FAM107B: variants seen among roughly 807,000 people sequenced by gnomAD.
FAM107B encodes the protein family with sequence similarity 107 member B.
Under a neutral mutation model 31.5 loss-of-function variants are expected in FAM107B, and 21 were observed. That is an observed-to-expected ratio of 0.67 (90% CI 0.47 to 0.96). The LOEUF is 0.96. FAM107B is among the 40% of genes least tolerant of loss of function. The pLI, the probability that FAM107B is intolerant of heterozygous loss-of-function variation, is 0.00. For synonymous variants in FAM107B, 157 were observed against 141.5 expected, an observed-to-expected ratio of 1.11 and a Z score of -0.78; for missense variants, 452 against 377.1, an observed-to-expected ratio of 1.20 and a Z score of -1.64.
chr10:14,550,554 G>C (rs1398371605), intron 2 of FAM107B, among the ~76,000 whole-genome samples: 1 of 152,202 alleles, frequency 6.6e-6, no homozygotes, highest in Non-Finnish European at 1.5e-5. Flanking sequence ...ATGACTCAGG[G>C]AAAGAACAGA....
chr10:14,616,175 G>T (rs1376632209), intron 2 of FAM107B, among the ~76,000 whole-genome samples: 2 of 152,074 alleles, frequency 1.3e-5, no homozygotes, highest in East Asian at 3.8e-4. Context: ...ACTGAACTGA[G>T]TATCTTTATT....
At chr10:14,628,177 C>T (rs1387843336) in intron 2 of FAM107B, among the ~76,000 whole-genome samples, 2 of 132,326 alleles carry the variant, frequency 1.5e-5, no homozygotes, top group Non-Finnish European at 3.1e-5. Context: ...AGTGCAGTGG[C>T]GCGATCTCAG....
At chr10:14,554,301 T>G (rs1588568276) in intron 2 of FAM107B, 1 of 238,846 alleles carries the variant, frequency 4.2e-6, no homozygotes, top group African/African-American at 2.3e-5. Flanking sequence ...CCATCATGAG[T>G]AGGTTTACTA....
At chr10:14,769,484 A>G (rs1021560752) in intron 1 of FAM107B, among the ~76,000 whole-genome samples, 1 of 152,158 alleles carries the variant, frequency 6.6e-6, no homozygotes, top group African/African-American at 2.4e-5. Flanking sequence ...TCCAGGGTTC[A>G]AGCAATTCTT....
chr10:14,532,818 C>T (rs11259159), intron 2 of FAM107B: 88,725 of 152,108 alleles, frequency 0.58, 26,286 homozygotes, highest in Admixed American at 0.65. Context: ...ATAATCTCCA[C>T]GATGCCAAAC....
In FAM107B at chr10:14,710,221, A is replaced by C. The variant is rs566204370; in HGVS notation, c.412-42530T>G. ...TGCTAGATTTTCTTGTAAACCTAAA[A>C]CTACTAAAAAATAATAAAGTCTATT... On this transcript the variant is annotated intron_variant, in intron 1 of 4. Coordinates refer to ENST00000181796, the MANE Select transcript of FAM107B (RefSeq NM_031453.4). Among the ~76,000 whole-genome samples, 13 of 152,168 alleles carry C rather than the reference A, an allele frequency of 8.5e-5. No individual in the cohort carries two copies. In the South Asian group the frequency reaches 2.7e-3, roughly 32 times the overall value.
chr10:14,694,589 G>T (rs2131514234), intron 1 of FAM107B, among the ~76,000 whole-genome samples: 1 of 152,300 alleles, frequency 6.6e-6, no homozygotes, highest in East Asian at 1.9e-4. Flanking sequence ...CTCCATGTTG[G>T]TCAGGGCTGG....
At chr10:14,753,565 C>T (rs551496004) in intron 1 of FAM107B, among the ~76,000 whole-genome samples, 122 of 152,282 alleles carry the variant, frequency 8.0e-4, no homozygotes, top group Non-Finnish European at 1.6e-3. Context: ...AAAGTGAAAT[C>T]GAGCTCATCT....
intron 3 of FAM107B, among the ~76,000 whole-genome samples, chr10:14,524,759 T>G (rs920806649): frequency 6.6e-6 from 1 of 152,208 alleles, no homozygotes; most frequent in Non-Finnish European, 1.5e-5. Flanking sequence ...CTGAATAATT[T>G]AAATTTCAAA....
chr10:14,637,668 G>A (rs578001540), intron 2 of FAM107B, among the ~76,000 whole-genome samples: 7 of 152,062 alleles, frequency 4.6e-5, no homozygotes, highest in African/African-American at 1.7e-4. Flanking sequence ...GATGGCAAGG[G>A]TGACAGGATG....
intron 1 of FAM107B, among the ~76,000 whole-genome samples, chr10:14,763,370 G>A (rs1833096077): frequency 6.6e-6 from 1 of 152,202 alleles, no homozygotes; most frequent in Non-Finnish European, 1.5e-5. Flanking sequence ...GTTTGTACTT[G>A]TGGCAGAATT....
chr10:14,647,298 C>T (rs1853780808), intron 2 of FAM107B, among the ~76,000 whole-genome samples: 1 of 152,186 alleles, frequency 6.6e-6, no homozygotes, highest in African/African-American at 2.4e-5. Context: ...TGCTGTCATT[C>T]ATCACCACAG....
intron 2 of FAM107B, among the ~76,000 whole-genome samples, chr10:14,610,818 A>C (rs1852706795): frequency 6.6e-6 from 1 of 152,242 alleles, no homozygotes; most frequent in South Asian, 2.1e-4. Context: ...GCTCCAAAAC[A>C]GAGCTGTATT....
At position 14,600,068 on chromosome 10, in the gene FAM107B, C is replaced by T. The variant is rs114881015; in HGVS notation, c.469+67566G>A. 7.5e-3 allele frequency among the ~76,000 whole-genome samples: 1,134 copies of T among 152,114 alleles called. 9 individuals carry two copies. The highest frequency in any genetic ancestry group is 0.025 in the African/African-American group (1,053 of 41,484). ...TTCCTTCCTACAGCTCATCTGAGTCCGAATAATGTTCTTAAATAAGTCTTC... is the reference window on the plus strand; with the variant it reads ...TTCCTTCCTACAGCTCATCTGAGTCTGAATAATGTTCTTAAATAAGTCTTC... On this transcript the variant is annotated intron_variant, in intron 2 of 4. Transcript: ENST00000181796.
intron 1 of FAM107B, chr10:14,723,437 G>C (rs765947012): frequency 1.3e-5 from 7 of 556,284 alleles, no homozygotes; most frequent in African/African-American, 1.9e-5. Flanking sequence ...ATCTCTTCAG[G>C]ATGTCTGTAC....
At chr10:14,671,206 CTGAT>C (rs1277016792) in intron 1 of FAM107B, among the ~76,000 whole-genome samples, 9 of 152,218 alleles carry the variant, frequency 5.9e-5, no homozygotes, top group Non-Finnish European at 1.5e-5. Context: ...GCATTTCCCT[CTGAT>C]TGGTAGAGCG....
chr10:14,530,864 AAG>A (rs1846904570), intron 2 of FAM107B, among the ~76,000 whole-genome samples: 1 of 152,230 alleles, frequency 6.6e-6, no homozygotes, highest in South Asian at 2.1e-4. Context: ...GTCAGAAAAA[AAG>A]AAAGTTCAAA....
At chr10:14,581,344 A>G (rs1468166627) in intron 2 of FAM107B, among the ~76,000 whole-genome samples, 1 of 152,252 alleles carries the variant, frequency 6.6e-6, no homozygotes, top group Non-Finnish European at 1.5e-5. Flanking sequence ...AAAGAGGCCA[A>G]TGTGGCTGCG....
intron 1 of FAM107B, among the ~76,000 whole-genome samples, chr10:14,746,768 T>C (rs1832734156): frequency 6.6e-6 from 1 of 152,186 alleles, no homozygotes; most frequent in Non-Finnish European, 1.5e-5. Flanking sequence ...GATGACTGTG[T>C]GTCTTAGGGT....
Sources: gnomAD v4.1 joint callset for allele counts (sites outside exome capture counted in the v4.1 genomes callset) on GRCh38, gnomAD v4.1.1 for gene constraint, MANE v1.5 for transcripts, NCBI Gene and HGNC (gene_info 2026-07-23, HGNC 2026-07-21) for gene names.